The following NEGR1 variants were observed in gnomAD, a reference collection of about 807,000 sequenced individuals.
The protein encoded by NEGR1 is neuronal growth regulator 1.
Under a neutral mutation model 40.9 loss-of-function variants are expected in NEGR1, and 10 were observed. The ratio of observed to expected loss-of-function variants is 0.24; its 90% confidence interval spans 0.15 to 0.42. NEGR1 has a LOEUF of 0.42. Among genes scored for constraint, NEGR1 ranks in the 10% least tolerant of loss-of-function variants. The probability of loss-of-function intolerance (pLI) is 1.00; values close to 1 mark genes in which losing one functional copy is unlikely to be tolerated. For missense variants in NEGR1, 352 were observed against 438.9 expected (o/e 0.80, Z 1.77); for synonymous variants, 185 against 166.8 (o/e 1.11, Z -0.84).
intron 5 of NEGR1, among the ~76,000 whole-genome samples, chr1:71,604,235 G>C (rs2991329): frequency 0.017 from 2,646 of 152,156 alleles, 72 homozygotes; most frequent in African/African-American, 0.06. Flanking sequence ...GTAAGTGAAC[G>C]AATGTGAACA....
chr1:71,442,936 T>A (rs950799281), intron 6 of NEGR1, among the ~76,000 whole-genome samples: 5 of 152,204 alleles, frequency 3.3e-5, no homozygotes, highest in Non-Finnish European at 5.9e-5. Flanking sequence ...CCCTCTGTTC[T>A]AGACTCTAGT....
At chr1:72,009,497 T>C (rs889820584) in intron 1 of NEGR1, among the ~76,000 whole-genome samples, 1 of 152,072 alleles carries the variant, frequency 6.6e-6, no homozygotes, top group Non-Finnish European at 1.5e-5. Flanking sequence ...GGGTTTTTTT[T>C]ATATTTATAA....
chr1:71,967,436 T>C (rs1400012298), intron 1 of NEGR1, among the ~76,000 whole-genome samples: 1 of 152,166 alleles, frequency 6.6e-6, no homozygotes, highest in East Asian at 1.9e-4. Flanking sequence ...CAGAGGCTTT[T>C]GTGGGGAAAG....
chr1:71,498,762 C>A (rs1646981410), intron 6 of NEGR1, among the ~76,000 whole-genome samples: 1 of 152,158 alleles, frequency 6.6e-6, no homozygotes, highest in Admixed American at 6.5e-5. Flanking sequence ...CAAGCCCAAT[C>A]AATGTGCATA....
At chr1:72,164,894 G>A (rs1457301974) in intron 1 of NEGR1, among the ~76,000 whole-genome samples, 1 of 152,038 alleles carries the variant, frequency 6.6e-6, no homozygotes, top group Non-Finnish European at 1.5e-5. Flanking sequence ...TGTATGCTAA[G>A]TATCACCATA....
intron 1 of NEGR1, among the ~76,000 whole-genome samples, chr1:72,048,915 A>AT (rs1647029510): frequency 6.6e-6 from 1 of 151,604 alleles, no homozygotes; most frequent in African/African-American, 2.4e-5. Context: ...ATATGGACTG[A>AT]TTTTCTATTC....
chr1:71,676,460 A>G (rs1403993913), intron 4 of NEGR1, among the ~76,000 whole-genome samples: 9 of 152,202 alleles, frequency 5.9e-5, no homozygotes, highest in Admixed American at 5.9e-4. Context: ...TGGTAGCAGT[A>G]CAATGAAATG....
chr1:71,869,317 T>C (rs971875690), intron 2 of NEGR1, among the ~76,000 whole-genome samples: 2 of 152,108 alleles, frequency 1.3e-5, no homozygotes, highest in Admixed American at 1.3e-4. Flanking sequence ...CTGATAAATA[T>C]AGACAAATAT....
chr1:71,660,357 G>T (rs1232435624), intron 4 of NEGR1, among the ~76,000 whole-genome samples: 1 of 151,994 alleles, frequency 6.6e-6, no homozygotes, highest in East Asian at 1.9e-4. Context: ...GAGAAAAGCA[G>T]AAAAGATAGC....
chr1:71,969,836 A>G (rs1379842688), intron 1 of NEGR1, among the ~76,000 whole-genome samples: 2 of 152,224 alleles, frequency 1.3e-5, no homozygotes, highest in Non-Finnish European at 2.9e-5. Flanking sequence ...TCAAGTCATG[A>G]ATTATTAGGC....
chr1:71,727,080 C>T (rs1295857234), intron 3 of NEGR1, among the ~76,000 whole-genome samples: 1 of 151,888 alleles, frequency 6.6e-6, no homozygotes, highest in Non-Finnish European at 1.5e-5. Context: ...TTATTTCTGC[C>T]CCTTATCAAT....
chr1:71,808,398 C>T (rs532211379), intron 2 of NEGR1, among the ~76,000 whole-genome samples: 3 of 152,186 alleles, frequency 2.0e-5, no homozygotes, highest in East Asian at 3.9e-4. Flanking sequence ...TATTTGAGTG[C>T]TAAATGTGAT....
At chr1:72,042,250 T>A (rs1400597332) in intron 1 of NEGR1, among the ~76,000 whole-genome samples, 1 of 151,534 alleles carries the variant, frequency 6.6e-6, no homozygotes, top group Non-Finnish European at 1.5e-5. Flanking sequence ...GAGCAAGGGG[T>A]CTTAAGTGTT....
intron 4 of NEGR1, among the ~76,000 whole-genome samples, chr1:71,650,616 C>T (rs1302908208): frequency 6.6e-6 from 1 of 152,112 alleles, no homozygotes; most frequent in African/African-American, 2.4e-5. Flanking sequence ...CATAAGCATA[C>T]TTGTTTTCTT....
chr1:71,846,622 G>T (rs367567964), intron 2 of NEGR1, among the ~76,000 whole-genome samples: 3 of 152,098 alleles, frequency 2.0e-5, no homozygotes, highest in Non-Finnish European at 4.4e-5. Context: ...CCTATATATT[G>T]TCTTAGTCCA....
chr1:71,784,534 A>G (rs1656842607), intron 2 of NEGR1, among the ~76,000 whole-genome samples: 1 of 152,182 alleles, frequency 6.6e-6, no homozygotes, highest in South Asian at 2.1e-4. Flanking sequence ...ACATTTTACC[A>G]TCGTGTTCTT....
intron 6 of NEGR1, among the ~76,000 whole-genome samples, chr1:71,583,414 G>A (rs1020440578): frequency 2.0e-5 from 3 of 152,142 alleles, no homozygotes; most frequent in Non-Finnish European, 1.5e-5. Context: ...AGCAAAATGG[G>A]TGTAAGAAAG....
At position 72,247,749 on chromosome 1, in the gene NEGR1, G is replaced by C. The variant is rs142210321; in HGVS notation, c.176+34570C>G. 5.8e-3 allele frequency among the ~76,000 whole-genome samples: 885 copies of C among 152,104 alleles called. 5 individuals are homozygous for C. The highest frequency in any genetic ancestry group is 9.2e-3 in the Non-Finnish European group (625 of 68,008). The stretch of plus-strand genomic sequence containing the variant: ...ACCTCTGCCCATTCCACGTTTTCAG[G>C]TATCTTTACATTATTGTCCCACCTA... On this transcript the variant is annotated intron_variant, in intron 1 of 6. Transcript: ENST00000357731.
chr1:71,803,364 T>C (rs1657631152), intron 2 of NEGR1, among the ~76,000 whole-genome samples: 1 of 152,180 alleles, frequency 6.6e-6, no homozygotes, highest in Non-Finnish European at 1.5e-5. Context: ...TAACTATCTT[T>C]AGTTAAGTCA....
Sources: gnomAD v4.1 joint callset for allele counts (sites outside exome capture counted in the v4.1 genomes callset) on GRCh38, gnomAD v4.1.1 for gene constraint, MANE v1.5 for transcripts, NCBI Gene and HGNC (gene_info 2026-07-23, HGNC 2026-07-21) for gene names.